DNM3: variants seen among roughly 807,000 people sequenced by gnomAD.
DNM3 encodes the protein dynamin 3, also known as dynamin-3.
In DNM3, 47 loss-of-function variants were observed where a neutral mutation model predicts 101.6. That is an observed-to-expected ratio of 0.46 (90% CI 0.37 to 0.59). The LOEUF (loss-of-function observed/expected upper bound fraction) is 0.59, where lower values mean the gene tolerates loss of function less well. Among genes scored for constraint, DNM3 ranks in the 20% least tolerant of loss-of-function variants. The probability of loss-of-function intolerance (pLI) is 0.00; values close to 1 mark genes in which losing one functional copy is unlikely to be tolerated. For missense variants in DNM3, 849 were observed against 1,085.7 expected (o/e 0.78, Z 3.06); for synonymous variants, 385 against 387.9 (o/e 0.99, Z 0.09).
chr1:172,414,247 T>C (rs1037537442), downstream of DNM3, among the ~76,000 whole-genome samples: 20 of 152,200 alleles, frequency 1.3e-4, no homozygotes, highest in Non-Finnish European at 2.5e-4. Flanking sequence ...CTAGTATTAT[T>C]TTATATTATG....
At chr1:171,879,667 CATTGCTTCCATT>C (rs1384154230) in intron 1 of DNM3, among the ~76,000 whole-genome samples, 1 of 152,174 alleles carries the variant, frequency 6.6e-6, no homozygotes, top group Non-Finnish European at 1.5e-5. Context: ...GTGCCAGGGG[CATTGCTTCCATT>C]ATTACTCCTA....
chr1:172,413,153 C>CCAA (rs1214124061), downstream of DNM3, among the ~76,000 whole-genome samples: 1 of 152,164 alleles, frequency 6.6e-6, no homozygotes, highest in East Asian at 1.9e-4. Flanking sequence ...AGCTCCTGAC[C>CCAA]CAACAATTAG....
Position 171,999,227 on chromosome 1 carries a change from G to A in DNM3, c.589+10079G>A, listed in dbSNP as rs150341770. On this transcript the variant is annotated intron_variant, in intron 4 of 20. Coordinates refer to ENST00000627582, the MANE Select transcript of DNM3 (RefSeq NM_015569.5). ...TGTGCTTTGGAATAAGAGAGGAATG[G>A]TACTGAGGGAAGAAGTTGTCTGATT... Among the ~76,000 whole-genome samples, 48 of 152,168 alleles carry A rather than the reference G, an allele frequency of 3.2e-4. No individual in the cohort carries two copies. In the East Asian group the frequency reaches 4.3e-3, roughly 14 times the overall value.
chr1:171,946,564 ATAAGG>A (rs1282916939), intron 2 of DNM3, among the ~76,000 whole-genome samples: 1 of 152,160 alleles, frequency 6.6e-6, no homozygotes. Context: ...TGGCTAGAAG[ATAAGG>A]TAATTGTGAA....
At chr1:172,021,834 C>T (rs2047873154) in intron 4 of DNM3, among the ~76,000 whole-genome samples, 1 of 152,172 alleles carries the variant, frequency 6.6e-6, no homozygotes, top group African/African-American at 2.4e-5. Flanking sequence ...TTTATTAGCT[C>T]TTAATTTATT....
intron 18 of DNM3, among the ~76,000 whole-genome samples, chr1:172,383,420 T>C (rs899345407): frequency 3.3e-5 from 5 of 152,144 alleles, no homozygotes; most frequent in African/African-American, 1.2e-4. Flanking sequence ...TGTGAGAGAA[T>C]TGTGAGATCT....
At chr1:172,124,855 T>G (rs1220195461) in intron 13 of DNM3, among the ~76,000 whole-genome samples, 1 of 152,190 alleles carries the variant, frequency 6.6e-6, no homozygotes, top group Non-Finnish European at 1.5e-5. Flanking sequence ...AGTTCACCTC[T>G]CGAGGCCTGC....
chr1:172,243,111 A>T (rs929754274), intron 14 of DNM3, among the ~76,000 whole-genome samples: 1 of 152,132 alleles, frequency 6.6e-6, no homozygotes, highest in South Asian at 2.1e-4. Flanking sequence ...ATCTTTAGTC[A>T]TAAGTCCTTT....
intron 20 of DNM3, chr1:172,394,071 A>G (rs904781838): frequency 2.6e-5 from 4 of 152,230 alleles, no homozygotes; most frequent in Non-Finnish European, 4.4e-5. Flanking sequence ...CAATTTCACC[A>G]TGATTCTGGC....
At chr1:171,996,944 A>T (rs1289800385) in intron 4 of DNM3, among the ~76,000 whole-genome samples, 1 of 151,992 alleles carries the variant, frequency 6.6e-6, no homozygotes, top group Non-Finnish European at 1.5e-5. Flanking sequence ...AAGTGGGAGG[A>T]TTACCTGAGC....
downstream of DNM3, among the ~76,000 whole-genome samples, chr1:172,416,435 T>C (rs541379886): frequency 1.6e-4 from 24 of 152,298 alleles, no homozygotes; most frequent in African/African-American, 4.6e-4. Flanking sequence ...GAAGGGTAGA[T>C]ACAGTAAAGT....
rs1282005922 is a variant in DNM3, at chr1:172,272,313, T to C, written c.1769+18631T>C. Among the ~76,000 whole-genome samples, 3 of 152,110 alleles carry C rather than the reference T, an allele frequency of 2.0e-5. No individual in the cohort carries two copies. The East Asian group carries it at 5.8e-4, about 29-fold the overall frequency. On this transcript the variant is annotated intron_variant, in intron 15 of 20. Coordinates refer to ENST00000627582, the MANE Select transcript of DNM3 (RefSeq NM_015569.5). ...ATGAATCTAAATTAAAATTTAATCT[T>C]TGGATATAATAGAATTAATATTTTT...
intron 2 of DNM3, among the ~76,000 whole-genome samples, chr1:171,960,174 G>A (rs1379460352): frequency 6.6e-6 from 1 of 152,152 alleles, no homozygotes; most frequent in East Asian, 1.9e-4. Flanking sequence ...AATGTGATAA[G>A]AGGCAGAGAC....
intron 13 of DNM3, among the ~76,000 whole-genome samples, chr1:172,127,561 C>A (rs1558612313): frequency 6.6e-6 from 1 of 151,716 alleles, no homozygotes; most frequent in East Asian, 1.9e-4. Context: ...AGGCACCCGC[C>A]AGCATGCTGG....
At chr1:171,891,913 G>A (rs957105131) in intron 1 of DNM3, among the ~76,000 whole-genome samples, 1 of 152,084 alleles carries the variant, frequency 6.6e-6, no homozygotes, top group African/African-American at 2.4e-5. Context: ...TAAGGAGTGG[G>A]GAGTTATGCT....
chr1:171,897,682 T>C (rs2037934529), intron 1 of DNM3, among the ~76,000 whole-genome samples: 1 of 152,216 alleles, frequency 6.6e-6, no homozygotes, highest in South Asian at 2.1e-4. Context: ...TTCTTATTCA[T>C]TGACATGAAG....
At chr1:171,926,096 T>G (rs12041877) in intron 2 of DNM3, among the ~76,000 whole-genome samples, 19,876 of 152,220 alleles carry the variant, frequency 0.13, 1,548 homozygotes, top group East Asian at 0.33. Flanking sequence ...GCTGTTTTGG[T>G]TACTATAGCC....
Position 171,952,821 on chromosome 1 carries a change from A to G in DNM3, c.235+31000A>G, listed in dbSNP as rs566230084. Among the ~76,000 whole-genome samples, 4 of 152,318 alleles carry G rather than the reference A, an allele frequency of 2.6e-5. No individual in the cohort carries two copies. The South Asian group carries it at 6.2e-4, about 24-fold the overall frequency. ...TTCTATAGAAACCAAATAACTTTCTATGACTGGGACAGGTAGTACCTCTAT... is the reference window on the plus strand; with the variant it reads ...TTCTATAGAAACCAAATAACTTTCTGTGACTGGGACAGGTAGTACCTCTAT... On this transcript the variant is annotated intron_variant, in intron 2 of 20. Transcript: ENST00000627582.
intron 17 of DNM3, among the ~76,000 whole-genome samples, chr1:172,373,718 A>G (rs1392351600): frequency 6.6e-6 from 1 of 152,066 alleles, no homozygotes; most frequent in Non-Finnish European, 1.5e-5. Context: ...TACATCCTCC[A>G]GATTGTCAAA....
Sources: allele counts gnomAD v4.1 joint callset (sites outside exome capture counted in the v4.1 genomes callset), GRCh38; gene constraint gnomAD v4.1.1; transcripts MANE v1.5; gene names NCBI Gene and HGNC (gene_info 2026-07-23, HGNC 2026-07-21).